STAC: variants seen among roughly 807,000 people sequenced by gnomAD.
The protein encoded by STAC is SH3 and cysteine-rich domain-containing protein.
Under a neutral mutation model 48.8 loss-of-function variants are expected in STAC, and 43 were observed. The observed-to-expected ratio is 0.88, with a 90% CI of 0.69 to 1.14. The LOEUF is 1.14. Among genes scored for constraint, STAC ranks in the 50% most tolerant of loss-of-function variants. The probability of loss-of-function intolerance (pLI) is 0.00; values close to 1 mark genes in which losing one functional copy is unlikely to be tolerated. For synonymous variants in STAC, 193 were observed against 179.5 expected, an observed-to-expected ratio of 1.07 and a Z score of -0.60; for missense variants, 497 against 504.0, an observed-to-expected ratio of 0.99 and a Z score of 0.13.
intron 8 of STAC, among the ~76,000 whole-genome samples, chr3:36,508,857 T>C (rs1172986487): frequency 6.6e-6 from 1 of 152,194 alleles, no homozygotes; most frequent in Admixed American, 6.5e-5. Flanking sequence ...CGATGGGTCT[T>C]GACTCTTTAT....
At chr3:36,437,679 A>G (rs1026637984) in intron 1 of STAC, among the ~76,000 whole-genome samples, 1 of 150,370 alleles carries the variant, frequency 6.7e-6, no homozygotes, top group East Asian at 2.0e-4. Context: ...CTAATGCTAA[A>G]TGACGAGTTA....
At chr3:36,441,943 G>T in intron 1 of STAC, among the ~76,000 whole-genome samples, 1 of 144,082 alleles carries the variant, frequency 6.9e-6, no homozygotes, top group South Asian at 2.2e-4. Context: ...TTGGAGGTTT[G>T]TGTTTTTTTT....
At chr3:36,517,493 A>G (rs1450235428) in intron 8 of STAC, among the ~76,000 whole-genome samples, 1 of 152,136 alleles carries the variant, frequency 6.6e-6, no homozygotes, top group Non-Finnish European at 1.5e-5. Flanking sequence ...CCACAAAAAT[A>G]GAAATAAAAA....
intron 5 of STAC, among the ~76,000 whole-genome samples, chr3:36,486,537 A>C (rs1347087242): frequency 2.6e-5 from 4 of 152,206 alleles, no homozygotes; most frequent in African/African-American, 9.6e-5. Flanking sequence ...CACCAACATT[A>C]GATAACATAT....
Position 36,443,691 on chromosome 3 carries a change from G to C in STAC, c.388+51G>C. 6.3e-7 allele frequency: 1 copy of C among 1,590,038 alleles called. No homozygotes were observed. The highest frequency in any genetic ancestry group is 8.5e-7 in the Non-Finnish European group (1 of 1,172,622). ...GATCCCAGCACCCCCGGAAAGCTGA[G>C]TGAGAGTGGTGTGCCACGGGTCCAG... On this transcript the variant is annotated intron_variant, in intron 2 of 10. Coordinates refer to ENST00000273183, the MANE Select transcript of STAC (RefSeq NM_003149.3). This position sits in a 1 kb window ranked among gnomAD's most constrained non-coding sequence, Gnocchi z 4.2.
At chr3:36,390,068 CTT>C (rs1699718009) in intron 1 of STAC, among the ~76,000 whole-genome samples, 1 of 152,132 alleles carries the variant, frequency 6.6e-6, no homozygotes, top group Non-Finnish European at 1.5e-5. Context: ...TGGCACATGA[CTT>C]AACTTTAAAT....
At chr3:36,502,449 C>T (rs943821611) in intron 6 of STAC, among the ~76,000 whole-genome samples, 1 of 152,146 alleles carries the variant, frequency 6.6e-6, no homozygotes, top group African/African-American at 2.4e-5. Context: ...TATAGGGTCA[C>T]TTCAAATATT....
chr3:36,397,456 A>AAG (rs1699877711), intron 1 of STAC, among the ~76,000 whole-genome samples: 2 of 152,218 alleles, frequency 1.3e-5, no homozygotes, highest in African/African-American at 4.8e-5. Flanking sequence ...CATATTGGGC[A>AAG]CTATCTCTTC....
intron 10 of STAC, among the ~76,000 whole-genome samples, chr3:36,537,451 C>G (rs1699225184): frequency 6.6e-6 from 1 of 152,082 alleles, no homozygotes; most frequent in South Asian, 2.1e-4. Flanking sequence ...GAACAGAAAA[C>G]CAAACACTGC....
At chr3:36,451,132 G>C (rs1030029189) in intron 2 of STAC, among the ~76,000 whole-genome samples, 1 of 151,822 alleles carries the variant, frequency 6.6e-6, no homozygotes, top group Non-Finnish European at 1.5e-5. Context: ...CTTCCATTTT[G>C]TGTGTGTGTA....
intron 10 of STAC, among the ~76,000 whole-genome samples, chr3:36,534,731 C>A (rs983761337): frequency 5.3e-5 from 8 of 151,964 alleles, no homozygotes; most frequent in African/African-American, 1.9e-4. Context: ...TCTTCATCTT[C>A]TTTTTGTGAG....
chr3:36,483,065 G>T lies in STAC; in HGVS notation c.462G>T (p.Leu154=). 1 of 1,614,078 alleles carries T rather than the reference G, an allele frequency of 6.2e-7. No homozygotes were observed. ...MSIHHKCTDG[L]APQRCMGKLP... ...TCCACCACAAGTGCACAGATGGCCT[G>T]GCACCCCAGCGGTGCATGGGCAAGC... Residue 154 remains leucine, a synonymous_variant, in exon 3 of 11, where the codon CTG becomes CTT. Coordinates refer to ENST00000273183, the MANE Select transcript of STAC (RefSeq NM_003149.3).
At chr3:36,401,948 T>C (rs1264976357) in intron 1 of STAC, among the ~76,000 whole-genome samples, 3 of 152,114 alleles carry the variant, frequency 2.0e-5, no homozygotes, top group East Asian at 1.9e-4. Context: ...GTGATTTAGG[T>C]ACATCATTTT....
intron 8 of STAC, among the ~76,000 whole-genome samples, chr3:36,513,258 G>T (rs1342725803): frequency 6.6e-6 from 1 of 152,124 alleles, no homozygotes; most frequent in African/African-American, 2.4e-5. Context: ...GCCTACCCCA[G>T]CAATGTACAG....
intron 1 of STAC, among the ~76,000 whole-genome samples, chr3:36,429,798 C>T (rs971455932): frequency 1.3e-5 from 2 of 152,174 alleles, no homozygotes; most frequent in African/African-American, 2.4e-5. Context: ...TGGCTTGATA[C>T]CTTCACGTAC....
At chr3:36,488,556 C>T (rs769037234) in intron 5 of STAC, among the ~76,000 whole-genome samples, 7 of 152,076 alleles carry the variant, frequency 4.6e-5, no homozygotes, top group Non-Finnish European at 8.8e-5. Flanking sequence ...GTTCAAGCAC[C>T]GTCTCTACAT....
chr3:36,398,211 C>T (rs1699892764), intron 1 of STAC, among the ~76,000 whole-genome samples: 1 of 151,804 alleles, frequency 6.6e-6, no homozygotes. Context: ...ACCTCATCCC[C>T]TGATGGTCAG....
At chr3:36,416,462 T>C (rs1320379825) in intron 1 of STAC, among the ~76,000 whole-genome samples, 1 of 152,208 alleles carries the variant, frequency 6.6e-6, no homozygotes, top group Non-Finnish European at 1.5e-5. Context: ...TTCATAAACA[T>C]GGTATACCTT....
intron 1 of STAC, among the ~76,000 whole-genome samples, chr3:36,393,214 C>T (rs2125618373): frequency 6.6e-6 from 1 of 152,294 alleles, no homozygotes; most frequent in Non-Finnish European, 1.5e-5. Context: ...TTTCATTATT[C>T]CTCACCCATT....
Sources: gnomAD v4.1 joint callset for allele counts (sites outside exome capture counted in the v4.1 genomes callset) on GRCh38, gnomAD v4.1.1 for gene constraint, Gnocchi (gnomAD v3.1) non-coding constraint, MANE v1.5 for transcripts, NCBI Gene and HGNC (gene_info 2026-07-23, HGNC 2026-07-21) for gene names.